Variants in LMX1B observed in about 807,000 individuals in gnomAD.
The protein encoded by LMX1B is LIM homeobox transcription factor 1 beta.
Under a neutral mutation model 51.4 loss-of-function variants are expected in LMX1B, and 12 were observed. The ratio of observed to expected loss-of-function variants is 0.23; its 90% CI spans 0.15 to 0.38. The LOEUF is 0.38. LMX1B is among the 10% of genes least tolerant of loss of function. The pLI is 1.00. For synonymous variants in LMX1B, 237 were observed against 235.4 expected, an observed-to-expected ratio of 1.01 and a Z score of -0.06; for missense variants, 445 against 571.1, an observed-to-expected ratio of 0.78 and a Z score of 2.25.
chr9:126,682,667 TG>T (rs1392539986), intron 2 of LMX1B, among the ~76,000 whole-genome samples: 6 of 151,818 alleles, frequency 4.0e-5, no homozygotes, highest in Admixed American at 3.9e-4. Flanking sequence ...GAGCCCTAGG[TG>T]GGGGGATCAC....
At position 126,614,422 on chromosome 9, in the gene LMX1B, G is replaced by A; in HGVS notation, c.-28G>A. On this transcript the variant is annotated 5_prime_UTR_variant, in exon 1 of 8. Coordinates refer to ENST00000373474, the MANE Select transcript of LMX1B (RefSeq NM_001174147.2). Reference sequence around the variant, plus strand: ...GGCCGGCGGGCGAGCAGCCCGGCCGGCGGGGTCCGCAGCGCGCCCCGCGTC... The same window carrying A: ...GGCCGGCGGGCGAGCAGCCCGGCCGACGGGGTCCGCAGCGCGCCCCGCGTC... 6.9e-7 allele frequency: 1 copy of A among 1,447,534 alleles called. No homozygotes were observed. The allele number at this position is 1,447,534 out of a possible 1,614,324, so 89.7% of individuals were successfully genotyped here.
In LMX1B at chr9:126,696,552, C is replaced by A; in HGVS notation, c.*101C>A. The A allele has an allele frequency of 1.4e-6, 2 of 1,420,418 alleles. No homozygotes were observed. Among genetic ancestry groups the A allele is most frequent in the Non-Finnish European group, 2.0e-6 (2 of 1,013,916 alleles). The allele number at this position is 1,420,418 out of a possible 1,614,324, so 88.0% of individuals were successfully genotyped here. On this transcript the variant is annotated 3_prime_UTR_variant, in exon 8 of 8. Coordinates refer to ENST00000373474, the MANE Select transcript of LMX1B (RefSeq NM_001174147.2). The stretch of plus-strand genomic sequence containing the variant: ...CCCGCCCTGCTCTCCGCACAGACTA[C>A]AGACAGCCATACGGTGCCCTCCCCT...
chr9:126,671,283 C>T lies in LMX1B; in HGVS notation c.327-19553C>T, dbSNP rs1229552574. On this transcript the variant is annotated intron_variant, in intron 2 of 7. Coordinates refer to ENST00000373474, the MANE Select transcript of LMX1B (RefSeq NM_001174147.2). The surrounding 1 kb of genome is among the most constrained non-coding windows in gnomAD (Gnocchi z 4.4). ...TTGAGATGCTTTAATTTTTTAAAAG[C>T]CCCACGTAGATGCTTTGCATTGTGA... Among the ~76,000 whole-genome samples the T allele has an allele frequency of 1.3e-5, 2 of 152,158 alleles. No homozygotes were observed. The highest frequency in any genetic ancestry group is 2.9e-5 in the Non-Finnish European group (2 of 68,028).
Position 126,644,855 on chromosome 9 carries a change from T to C in LMX1B, c.326+29286T>C, listed in dbSNP as rs577424979. ...CTGGTGGAGACAGGCGTGTTTCACC[T>C]GGGATTCTCTCAACCAAGACAGGCC... On this transcript the variant is annotated intron_variant, in intron 2 of 7. Coordinates refer to ENST00000373474, the MANE Select transcript of LMX1B (RefSeq NM_001174147.2). 1.2e-4 allele frequency among the ~76,000 whole-genome samples: 19 copies of C among 152,318 alleles called. No individual in the cohort carries two copies. The East Asian group carries it at 3.5e-3, about 28-fold the overall frequency.
chr9:126,614,616 G>A (rs758689701), intron 1 of LMX1B, 28 bp downstream of exon 1: 9 of 1,516,256 alleles, frequency 5.9e-6, no homozygotes, highest in Non-Finnish European at 7.1e-6. Flanking sequence ...ACGCCCGAGT[G>A]GTCTCGGGCG....
chr9:126,644,056 A>T (rs1835855750), intron 2 of LMX1B, among the ~76,000 whole-genome samples: 1 of 152,102 alleles, frequency 6.6e-6, no homozygotes, highest in Non-Finnish European at 1.5e-5. Flanking sequence ...AGCAGCAGAG[A>T]GGAGAAGAGG....
At chr9:126,675,133 GA>G (rs1376884204) in intron 2 of LMX1B, among the ~76,000 whole-genome samples, 2 of 151,664 alleles carry the variant, frequency 1.3e-5, no homozygotes, top group African/African-American at 2.4e-5. Context: ...AAAGAAAGTG[GA>G]AAAAAATCCC....
chr9:126,696,243 C>A (rs899139618), intron 7 of LMX1B, 51 bp from the exon 8 acceptor site: 5 of 1,592,552 alleles, frequency 3.1e-6, no homozygotes, highest in Non-Finnish European at 4.3e-6. Flanking sequence ...ACAGGGGGCC[C>A]CCAGGAGCCC....
intron 2 of LMX1B, among the ~76,000 whole-genome samples, chr9:126,665,781 G>A (rs1463804427): frequency 1.3e-5 from 2 of 152,248 alleles, no homozygotes; most frequent in Non-Finnish European, 2.9e-5. Flanking sequence ...CCGCTACCTC[G>A]GTGGGGCCAG....
At chr9:126,666,699 G>A (rs887180312) in intron 2 of LMX1B, among the ~76,000 whole-genome samples, 9 of 152,284 alleles carry the variant, frequency 5.9e-5, no homozygotes, top group South Asian at 4.1e-4. Flanking sequence ...GTCCTGTTGC[G>A]TGTAAGTGGA....
intron 2 of LMX1B, among the ~76,000 whole-genome samples, chr9:126,676,457 A>G (rs543647119): frequency 6.6e-6 from 1 of 152,326 alleles, no homozygotes; most frequent in East Asian, 1.9e-4. Flanking sequence ...GAATGGATGA[A>G]GTGGCAGGAA....
rs923608697 is a variant in LMX1B, at chr9:126,693,269, G to C, written c.687G>C (p.Gln229His). Residue 229 changes from glutamine to histidine, a missense_variant, in exon 4 of 8, where the codon CAG (glutamine) becomes CAC (histidine). Gln to His is a conservative substitution (Grantham distance 24). Around this residue, in one of 3 missense-constraint regions of LMX1B, gnomAD observed 273 missense variants for 343.3 expected, o/e 0.80. Coordinates refer to ENST00000373474, the MANE Select transcript of LMX1B (RefSeq NM_001174147.2). ...PKRPRTILTT[Q>H]QRRAFKASFE... ...GACCCCGGACCATCCTCACCACGCA[G>C]CAGCGAAGAGCCTTCAAGGCCTCCT... The C allele has an allele frequency of 1.2e-6, 2 of 1,611,658 alleles. No homozygotes were observed. Among genetic ancestry groups the C allele is most frequent in the Non-Finnish European group, 1.7e-6 (2 of 1,179,236 alleles).
chr9:126,635,346 C>T (rs1835695706), intron 2 of LMX1B, among the ~76,000 whole-genome samples: 1 of 152,218 alleles, frequency 6.6e-6, no homozygotes, highest in African/African-American at 2.4e-5. Flanking sequence ...CTGAGAACAG[C>T]TACATAGAGG....
At chr9:126,679,561 T>C (rs1330129678) in intron 2 of LMX1B, among the ~76,000 whole-genome samples, 1 of 151,928 alleles carries the variant, frequency 6.6e-6, no homozygotes, top group African/African-American at 2.4e-5. Flanking sequence ...AGTGGATGTA[T>C]GGGTGGATGG....
chr9:126,622,907 C>T (rs1169639535), intron 2 of LMX1B, among the ~76,000 whole-genome samples: 1 of 152,260 alleles, frequency 6.6e-6, no homozygotes, highest in Non-Finnish European at 1.5e-5. Context: ...TCTTCCTGAG[C>T]CTCAGTTCCC....
chr9:126,630,653 G>A lies in LMX1B; in HGVS notation c.326+15084G>A, dbSNP rs180872068. ...AGAGAGGCTCTGAATCATCATCTTC[G>A]TCCTCAGTGTTGTCAGCTTTATGCA... On this transcript the variant is annotated intron_variant, in intron 2 of 7. Transcript: ENST00000373474. Among the ~76,000 whole-genome samples the A allele has an allele frequency of 6.6e-5, 10 of 152,296 alleles. 1 individual carries two copies. The highest frequency in any genetic ancestry group is 4.1e-4 in the South Asian group (2 of 4,828).
chr9:126,633,217 T>C (rs1360597461), intron 2 of LMX1B, among the ~76,000 whole-genome samples: 1 of 152,212 alleles, frequency 6.6e-6, no homozygotes, highest in East Asian at 1.9e-4. Flanking sequence ...AGGTGCAGAA[T>C]CCTAGATCTG....
chr9:126,645,165 T>C (rs1230458223), intron 2 of LMX1B, among the ~76,000 whole-genome samples: 1 of 152,014 alleles, frequency 6.6e-6, no homozygotes, highest in Non-Finnish European at 1.5e-5. Context: ...AGACCATCGC[T>C]CAGACCAGGG....
intron 2 of LMX1B, among the ~76,000 whole-genome samples, chr9:126,654,221 A>C (rs1266710853): frequency 6.6e-6 from 1 of 152,160 alleles, no homozygotes. Flanking sequence ...GCCCTTGCGC[A>C]GGTTTCAGCT....
Sources: gnomAD v4.1 joint callset for allele counts (sites outside exome capture counted in the v4.1 genomes callset) on GRCh38, gnomAD v4.1.1 for gene constraint, gnomAD v4.1.1 regional missense constraint, Gnocchi (gnomAD v3.1) non-coding constraint, MANE v1.5 for transcripts, NCBI Gene and HGNC (gene_info 2026-07-23, HGNC 2026-07-21) for gene names.